Variants in EPYC observed in about 807,000 individuals in gnomAD.
The protein encoded by EPYC is dermatan sulfate proteoglycan 3.
In EPYC, 28 loss-of-function variants were observed where a neutral mutation model predicts 30.1. The observed-to-expected ratio is 0.93, with a 90% CI of 0.69 to 1.28. EPYC has a LOEUF of 1.28. Ranked by LOEUF, EPYC falls within the 50% of genes most tolerant of loss-of-function variation. The pLI is 0.00. For missense variants in EPYC, 382 were observed against 383.5 expected (o/e 1.00, Z 0.03); for synonymous variants, 144 against 141.4 (o/e 1.02, Z -0.13).
intron 2 of EPYC, among the ~76,000 whole-genome samples, chr12:90,999,719 A>C (rs773786128): frequency 2.0e-5 from 3 of 152,124 alleles, no homozygotes; most frequent in Non-Finnish European, 4.4e-5. Flanking sequence ...GAAGAAATTC[A>C]TGTCATGAGT....
chr12:91,004,440 C>G (rs547190418), intron 1 of EPYC, among the ~76,000 whole-genome samples: 5 of 152,086 alleles, frequency 3.3e-5, no homozygotes, highest in Admixed American at 2.6e-4. Context: ...TTAATTAACA[C>G]TTTAATTTTG....
intron 2 of EPYC, among the ~76,000 whole-genome samples, chr12:90,983,515 C>T (rs929534288): frequency 6.6e-6 from 1 of 152,130 alleles, no homozygotes; most frequent in Middle Eastern, 3.2e-3. Flanking sequence ...TTGCTTGAAA[C>T]CAGCTTCTGC....
chr12:90,995,082 T>TA (rs1287478291), intron 2 of EPYC, among the ~76,000 whole-genome samples: 1 of 152,152 alleles, frequency 6.6e-6, no homozygotes, highest in Non-Finnish European at 1.5e-5. Flanking sequence ...AATTCTGCTT[T>TA]AAACATGAGC....
chr12:90,981,609 G>A (rs930850018), intron 2 of EPYC, among the ~76,000 whole-genome samples: 1 of 151,988 alleles, frequency 6.6e-6, no homozygotes, highest in African/African-American at 2.4e-5. Context: ...GCATTTAAAT[G>A]ATCTATATAA....
intron 2 of EPYC, among the ~76,000 whole-genome samples, chr12:90,997,999 A>G (rs1877734583): frequency 6.6e-6 from 1 of 152,088 alleles, no homozygotes; most frequent in Non-Finnish European, 1.5e-5. Context: ...ATATGAGAAG[A>G]CAGCATCACT....
chr12:90,999,851 T>C (rs1877782429), intron 2 of EPYC, among the ~76,000 whole-genome samples: 4 of 152,138 alleles, frequency 2.6e-5, no homozygotes, highest in Non-Finnish European at 4.4e-5. Context: ...TGTTAATATC[T>C]GAGCTAAAGT....
intron 2 of EPYC, among the ~76,000 whole-genome samples, chr12:90,993,055 G>T (rs1877622041): frequency 6.6e-6 from 1 of 152,048 alleles, no homozygotes; most frequent in Non-Finnish European, 1.5e-5. Flanking sequence ...AAACCAAGTT[G>T]GTTTCCATCT....
intron 2 of EPYC, among the ~76,000 whole-genome samples, chr12:90,996,574 TTAAATA>T (rs1877697540): frequency 6.6e-6 from 1 of 151,980 alleles, no homozygotes; most frequent in Non-Finnish European, 1.5e-5. Flanking sequence ...TACAATTTTG[TTAAATA>T]TAATTTTCAT....
rs371190323 is a variant in EPYC, at chr12:90,964,335, G to T, written c.799-9C>A. On this transcript the variant is annotated splice_polypyrimidine_tract_variant and intron_variant, in intron 6 of 6. Transcript: ENST00000261172. ...TCCAGAATGTTGTTATTCTAAAAAAGATGAAAATAAATTATGACAAGATAT... is the reference window on the plus strand; with the variant it reads ...TCCAGAATGTTGTTATTCTAAAAAATATGAAAATAAATTATGACAAGATAT... 21 of 1,588,624 alleles carry T rather than the reference G, an allele frequency of 1.3e-5. No individual in the cohort carries two copies. In the African/African-American group the frequency reaches 2.5e-4, roughly 19 times the overall value.
chr12:90,972,811 G>T lies in EPYC; in HGVS notation c.499+11C>A, dbSNP rs370001487. 46 of 1,611,312 alleles carry T rather than the reference G, an allele frequency of 2.9e-5. No individual in the cohort carries two copies. The highest frequency in any genetic ancestry group is 3.3e-5 in the Admixed American group (2 of 59,756). ...TAAAGCGGTGAAGGCCGTTAATGCT[G>T]TCATCCATACTTAGGCTTGCAAAGT... On this transcript the variant is annotated intron_variant, in intron 4 of 6. Transcript: ENST00000261172.
chr12:90,995,856 TA>T (rs1877682845), intron 2 of EPYC, among the ~76,000 whole-genome samples: 1 of 151,952 alleles, frequency 6.6e-6, no homozygotes, highest in Non-Finnish European at 1.5e-5. Flanking sequence ...ACAACCATAT[TA>T]AAATCTCATC....
At chr12:90,977,033 A>G (rs1216652751) in intron 3 of EPYC, among the ~76,000 whole-genome samples, 1 of 152,116 alleles carries the variant, frequency 6.6e-6, no homozygotes, top group Non-Finnish European at 1.5e-5. Context: ...GCAGTATGAA[A>G]ATGGATTAAT....
chr12:90,978,819 T>C (rs1877257602), intron 2 of EPYC, among the ~76,000 whole-genome samples: 1 of 152,104 alleles, frequency 6.6e-6, no homozygotes, highest in Admixed American at 6.6e-5. Context: ...TACTGAAAAG[T>C]ATCCTTTATA....
intron 2 of EPYC, among the ~76,000 whole-genome samples, chr12:90,994,998 G>A (rs929033228): frequency 6.6e-6 from 1 of 152,082 alleles, no homozygotes; most frequent in Non-Finnish European, 1.5e-5. Flanking sequence ...GCTCTGCACT[G>A]TTTGGCCTGA....
Position 90,964,321 on chromosome 12 carries a change from G to T in EPYC, c.804C>A (p.Asn268Lys), listed in dbSNP as rs771647770. The change falls in exon 7 of 7, where the codon AAC (asparagine) becomes AAA (lysine). Residue 268 changes from asparagine (N) to lysine (K), a missense_variant. Asn to Lys is a moderately conservative substitution (Grantham distance 94). Coordinates refer to ENST00000261172, the MANE Select transcript of EPYC (RefSeq NM_004950.5). ...ENLRALHLQNNNILEMHEDTF... is the reference protein window; with the variant it reads ...ENLRALHLQNKNILEMHEDTF... ...TATCTTCGTGCATTTCCAGAATGTTGTTATTCTAAAAAAGATGAAAATAAA... is the reference window on the plus strand; with the variant it reads ...TATCTTCGTGCATTTCCAGAATGTTTTTATTCTAAAAAAGATGAAAATAAA... 1 of 1,601,094 alleles carries T rather than the reference G, an allele frequency of 6.2e-7. No individual in the cohort carries two copies. The highest frequency in any genetic ancestry group is 8.6e-7 in the Non-Finnish European group (1 of 1,169,578).
chr12:90,995,275 G>C (rs542547655), intron 2 of EPYC, among the ~76,000 whole-genome samples: 1 of 152,152 alleles, frequency 6.6e-6, no homozygotes, highest in South Asian at 2.1e-4. Flanking sequence ...AGTTCAGAAG[G>C]ATCATATTAC....
At chr12:90,964,669 A>G (rs1329588797) in intron 6 of EPYC, among the ~76,000 whole-genome samples, 1 of 152,164 alleles carries the variant, frequency 6.6e-6, no homozygotes, top group African/African-American at 2.4e-5. Flanking sequence ...CTGAGAATGG[A>G]TTGACAAGAA....
At chr12:90,998,093 A>G (rs912888930) in intron 2 of EPYC, among the ~76,000 whole-genome samples, 4 of 152,112 alleles carry the variant, frequency 2.6e-5, no homozygotes, top group Non-Finnish European at 5.9e-5. Context: ...TCATCTATTC[A>G]ATAGGAATAA....
At chr12:90,999,155 A>G (rs1205356238) in intron 2 of EPYC, among the ~76,000 whole-genome samples, 1 of 152,080 alleles carries the variant, frequency 6.6e-6, no homozygotes, top group South Asian at 2.1e-4. Flanking sequence ...GCCATATAGT[A>G]TAGCCCAATT....
Sources: allele counts gnomAD v4.1 joint callset (sites outside exome capture counted in the v4.1 genomes callset), GRCh38; gene constraint gnomAD v4.1.1; transcripts MANE v1.5; gene names NCBI Gene and HGNC (gene_info 2026-07-23, HGNC 2026-07-21).